Variants in NBAS observed in about 807,000 individuals in gnomAD.
The protein encoded by NBAS is NAG/BC035112 fusion.
In NBAS, 219 loss-of-function variants were observed where a neutral mutation model predicts 302.5. That is an observed-to-expected ratio of 0.72 (90% CI 0.65 to 0.81). NBAS has a LOEUF of 0.81. Ranked by LOEUF, NBAS falls within the 30% of genes least tolerant of loss-of-function variation. NBAS has a pLI of 0.00. For missense variants in NBAS, 2,932 were observed against 2,841.6 expected, an observed-to-expected ratio of 1.03 and a Z score of -0.72; for synonymous variants, 1,118 against 1,021.6, an observed-to-expected ratio of 1.09 and a Z score of -1.80.
the NBAS span, among the ~76,000 whole-genome samples, chr2:15,000,828 T>C: frequency 2.0e-5 from 3 of 152,186 alleles, no homozygotes; most frequent in South Asian, 6.2e-4. Flanking sequence ...GAGAGGCCAC[T>C]ATGTGCCAGA....
the NBAS span, among the ~76,000 whole-genome samples, chr2:15,129,926 G>A: frequency 6.6e-6 from 1 of 152,202 alleles, no homozygotes; most frequent in South Asian, 2.1e-4. Flanking sequence ...TTATGTGTGT[G>A]TTAAAATACA....
At chr2:15,184,487 T>C (rs1003045030) in intron 50 of NBAS, among the ~76,000 whole-genome samples, 2 of 151,800 alleles carry the variant, frequency 1.3e-5, no homozygotes, top group African/African-American at 4.8e-5. Flanking sequence ...TGACGCATCA[T>C]CATAAGGAAT....
chr2:15,456,460 T>A (rs76742693), intron 21 of NBAS, among the ~76,000 whole-genome samples: 1 of 152,220 alleles, frequency 6.6e-6, no homozygotes, highest in African/African-American at 2.4e-5. Context: ...CCTAAGTCAC[T>A]CATTCTTTCA....
chr2:14,851,244 G>T, the NBAS span, among the ~76,000 whole-genome samples: 1 of 139,468 alleles, frequency 7.2e-6, no homozygotes, highest in African/African-American at 3.1e-5. Context: ...ATGATAAAGG[G>T]GATATCACCA....
At chr2:15,458,757 T>C (rs1240444639) in intron 21 of NBAS, among the ~76,000 whole-genome samples, 1 of 152,226 alleles carries the variant, frequency 6.6e-6, no homozygotes, top group South Asian at 2.1e-4. Context: ...GAGATATTAT[T>C]GTAACCTATT....
At chr2:15,281,074 A>G (rs1044579832) in intron 42 of NBAS, among the ~76,000 whole-genome samples, 1 of 152,188 alleles carries the variant, frequency 6.6e-6, no homozygotes, top group African/African-American at 2.4e-5. Flanking sequence ...GGAGTTGATG[A>G]GAGAATCAAT....
At chr2:14,992,385 G>T in the NBAS span, among the ~76,000 whole-genome samples, 4 of 152,076 alleles carry the variant, frequency 2.6e-5, no homozygotes, top group Non-Finnish European at 4.4e-5. Flanking sequence ...TCTGCTCAGG[G>T]TATCTGACAA....
the NBAS span, among the ~76,000 whole-genome samples, chr2:14,799,048 T>C: frequency 6.6e-6 from 1 of 152,048 alleles, no homozygotes. Context: ...ATTTGCTATT[T>C]TATTAATTTA....
chr2:15,124,423 C>T, the NBAS span, among the ~76,000 whole-genome samples: 1 of 152,168 alleles, frequency 6.6e-6, no homozygotes, highest in Non-Finnish European at 1.5e-5. Context: ...GGAAAATTTA[C>T]AGCCTGGCCC....
the NBAS span, among the ~76,000 whole-genome samples, chr2:14,892,597 T>C: frequency 6.6e-6 from 1 of 152,232 alleles, no homozygotes; most frequent in African/African-American, 2.4e-5. Flanking sequence ...CTAGTTAACT[T>C]AGTCGTATTT....
the NBAS span, among the ~76,000 whole-genome samples, chr2:15,099,002 C>G: frequency 6.6e-6 from 1 of 151,864 alleles, no homozygotes; most frequent in African/African-American, 2.4e-5. Context: ...TATACACACA[C>G]ATATATCTAT....
chr2:15,072,525 A>G, the NBAS span, among the ~76,000 whole-genome samples: 1 of 152,206 alleles, frequency 6.6e-6, no homozygotes, highest in Non-Finnish European at 1.5e-5. Context: ...AATCCATTTA[A>G]TTCTTTGAAA....
At chr2:15,270,251 G>A (rs936375657) in intron 44 of NBAS, among the ~76,000 whole-genome samples, 6 of 151,906 alleles carry the variant, frequency 3.9e-5, no homozygotes, top group South Asian at 2.1e-4. Context: ...TGCAGCCTCC[G>A]ACTCCCTGGT....
At chr2:14,788,575 C>G in the NBAS span, among the ~76,000 whole-genome samples, 2 of 152,146 alleles carry the variant, frequency 1.3e-5, no homozygotes, top group African/African-American at 2.4e-5. Flanking sequence ...TTGGAGTTTG[C>G]TAGAGGTCCA....
At chr2:14,797,178 C>A in the NBAS span, among the ~76,000 whole-genome samples, 1 of 151,938 alleles carries the variant, frequency 6.6e-6, no homozygotes, top group African/African-American at 2.4e-5. Flanking sequence ...GGGTGACCCA[C>A]CTTCGGGTAG....
the NBAS span, among the ~76,000 whole-genome samples, chr2:14,908,364 A>C: frequency 2.0e-5 from 3 of 152,246 alleles, no homozygotes; most frequent in Non-Finnish European, 4.4e-5. Flanking sequence ...CTCCGTCTCA[A>C]AATATAATAA....
chr2:15,138,500 C>T, the NBAS span, among the ~76,000 whole-genome samples: 3 of 152,088 alleles, frequency 2.0e-5, no homozygotes, highest in South Asian at 4.2e-4. Flanking sequence ...ACCTGAGCTC[C>T]GTGCTGTCCA....
At chr2:15,390,800 C>G (rs1418986477) in intron 28 of NBAS, among the ~76,000 whole-genome samples, 1 of 151,882 alleles carries the variant, frequency 6.6e-6, no homozygotes, top group Non-Finnish European at 1.5e-5. Context: ...AGGAAAAATT[C>G]ATAATGTCTA....
chr2:15,279,494 T>C (rs889476941), intron 42 of NBAS, among the ~76,000 whole-genome samples: 13 of 152,212 alleles, frequency 8.5e-5, no homozygotes, highest in African/African-American at 3.1e-4. Flanking sequence ...ACTTCATTCG[T>C]AACACCTTGA....
Sources: gnomAD v4.1 joint callset for allele counts (sites outside exome capture counted in the v4.1 genomes callset) on GRCh38, gnomAD v4.1.1 for gene constraint, MANE v1.5 for transcripts, NCBI Gene and HGNC (gene_info 2026-07-23, HGNC 2026-07-21) for gene names.